Variants in CTTNBP2 observed in about 807,000 individuals in gnomAD.
The protein encoded by CTTNBP2 is cortactin-binding protein 2.
CTTNBP2 carries 108 observed loss-of-function variants against 156.9 expected under a neutral mutation model. The ratio of observed to expected loss-of-function variants is 0.69; its 90% CI spans 0.59 to 0.81. The LOEUF (loss-of-function observed/expected upper bound fraction) is 0.81. CTTNBP2 is among the 30% of genes least tolerant of loss of function. The pLI, the probability that CTTNBP2 is intolerant of heterozygous loss-of-function variation, is 0.00. For missense variants in CTTNBP2, 1,924 were observed against 2,035.4 expected (o/e 0.95, Z 1.05); for synonymous variants, 767 against 751.8 (o/e 1.02, Z -0.33).
At chr7:117,773,829 C>T (rs766065116) in intron 8 of CTTNBP2, among the ~76,000 whole-genome samples, 43 of 152,066 alleles carry the variant, frequency 2.8e-4, no homozygotes, top group Non-Finnish European at 5.9e-4. Context: ...AAATCGTCAA[C>T]TTGTTAAAAC....
intron 2 of CTTNBP2, among the ~76,000 whole-genome samples, chr7:117,829,808 G>A (rs1300796364): frequency 6.6e-6 from 1 of 152,214 alleles, no homozygotes. Context: ...GAGTATATAT[G>A]AGGCATCCTG....
chr7:117,746,179 CTTT>C, intron 12 of CTTNBP2, 80 bp from the exon 13 acceptor site: 6 of 914,028 alleles, frequency 6.6e-6, no homozygotes, highest in East Asian at 2.4e-5. Flanking sequence ...GTGTGGAATT[CTTT>C]TTTGATTGTC....
chr7:117,733,443 C>T (rs911767151), intron 16 of CTTNBP2, among the ~76,000 whole-genome samples: 1 of 152,164 alleles, frequency 6.6e-6, no homozygotes, highest in Non-Finnish European at 1.5e-5. Flanking sequence ...GCCAATCCTA[C>T]ATAATAAAAC....
intron 4 of CTTNBP2, 92 bp from the exon 5 acceptor site, chr7:117,784,546 T>G (rs1025685441): frequency 3.7e-6 from 3 of 817,450 alleles, no homozygotes; most frequent in Non-Finnish European, 5.6e-6. Flanking sequence ...CACACAAACA[T>G]ATGAACATGT....
At chr7:117,769,893 C>T (rs1301216321) in intron 8 of CTTNBP2, among the ~76,000 whole-genome samples, 1 of 152,192 alleles carries the variant, frequency 6.6e-6, no homozygotes, top group Non-Finnish European at 1.5e-5. Flanking sequence ...CAAAATGACT[C>T]TATCTACCAC....
chr7:117,777,534 T>C lies in CTTNBP2; in HGVS notation c.2755A>G (p.Ile919Val), dbSNP rs1425804302. The change falls in exon 8 of 23, where the codon ATT (isoleucine) becomes GTT (valine). Residue 919 changes from isoleucine (I) to valine (V), a missense_variant. Ile to Val is a conservative substitution (Grantham distance 29). Transcript: ENST00000160373. ...ACCTTAAAACCTTTGGAAGCAGCAA[T>C]GTGGGCAGCAGTCCAGCCTTCTCTG... The part of the protein sequence containing the change: ...ANREGWTAAH[I>V]AASKGFKNCL... 4 of 1,613,232 alleles carry C rather than the reference T, an allele frequency of 2.5e-6. No homozygotes were observed. Among genetic ancestry groups the C allele is most frequent in the Admixed American group, 1.7e-5 (1 of 59,980 alleles).
intron 12 of CTTNBP2, among the ~76,000 whole-genome samples, chr7:117,752,642 TATATA>T (rs1465624670): frequency 2.0e-5 from 3 of 152,182 alleles, no homozygotes; most frequent in African/African-American, 7.2e-5. Context: ...ACATGCATTT[TATATA>T]ATATATTTGC....
chr7:117,757,952 A>T lies in CTTNBP2; in HGVS notation c.3191T>A (p.Val1064Glu). Residue 1064 changes from valine to glutamate, a missense_variant, in exon 11 of 23, where the codon GTG becomes GAG. Physicochemically the swap from Val to Glu is moderately radical, Grantham distance 121. Transcript: ENST00000160373. ...CGGGGACTGCGCGAAGCTCTGACCC[A>T]CTGACCACGGCACATTTCCTAGTTT... is the stretch of plus-strand genomic sequence containing the variant. The part of the protein sequence containing the change: ...SITLGNVPWS[V>E]GQSFAQSPWD... 6.2e-7 allele frequency: 1 copy of T among 1,613,276 alleles called. No individual in the cohort carries two copies. Among genetic ancestry groups the T allele is most frequent in the Non-Finnish European group, 8.5e-7 (1 of 1,179,636 alleles).
At chr7:117,814,565 C>T (rs4730805) in intron 2 of CTTNBP2, among the ~76,000 whole-genome samples, 86,078 of 151,832 alleles carry the variant, frequency 0.57, 24,521 homozygotes, top group East Asian at 0.71. Context: ...GTAGCTGAGA[C>T]TATAGGCACG....
At chr7:117,746,678 G>A (rs186813689) in intron 12 of CTTNBP2, among the ~76,000 whole-genome samples, 35 of 152,234 alleles carry the variant, frequency 2.3e-4, no homozygotes, top group African/African-American at 7.9e-4. Flanking sequence ...TACAGCTGTT[G>A]TATATCAGAT....
chr7:117,745,842 A>T lies in CTTNBP2; in HGVS notation c.3524T>A (p.Phe1175Tyr), dbSNP rs1285679295. 4 of 1,610,982 alleles carry T rather than the reference A, an allele frequency of 2.5e-6. No individual in the cohort carries two copies. The highest frequency in any genetic ancestry group is 3.4e-6 in the Non-Finnish European group (4 of 1,177,244). Residue 1175 changes from phenylalanine (F) to tyrosine (Y), a missense_variant, in exon 14 of 23, where the codon TTC (phenylalanine) becomes TAC (tyrosine). Physicochemically the swap from Phe to Tyr is conservative, Grantham distance 22. Coordinates refer to ENST00000160373, the MANE Select transcript of CTTNBP2 (RefSeq NM_033427.3). ...TGAAATGTTCTTACCGCTACTAATG[A>T]ACAGGTCTAGTAGCTGTTCCTTGGA... The part of the protein sequence containing the change: ...GFSKEQLLDL[F>Y]ISSACLIPVK...
chr7:117,866,598 T>C (rs1223003104), intron 1 of CTTNBP2, among the ~76,000 whole-genome samples: 1 of 152,142 alleles, frequency 6.6e-6, no homozygotes, highest in African/African-American at 2.4e-5. Flanking sequence ...TGATGAGCAA[T>C]GTGGCTAGGG....
In CTTNBP2 at chr7:117,760,596, G is replaced by T; in HGVS notation, c.3011C>A (p.Thr1004Lys). 6.2e-7 allele frequency: 1 copy of T among 1,614,086 alleles called. No homozygotes were observed. The highest frequency in any genetic ancestry group is 8.5e-7 in the Non-Finnish European group (1 of 1,179,980). Reference sequence around the variant, plus strand: ...TGCTTTTGAAAAATCATCCCATGATGTCTGTTTGCGGATATTTAAAGCACA... The same window carrying T: ...TGCTTTTGAAAAATCATCCCATGATTTCTGTTTGCGGATATTTAAAGCACA... Reference protein sequence around the residue: ...TICALNIRKQTSWDDFSKAVS... With the variant: ...TICALNIRKQKSWDDFSKAVS... The change falls in exon 10 of 23, where the codon ACA (threonine) becomes AAA (lysine). Residue 1004 changes from threonine (T) to lysine (K), a missense_variant. Transcript: ENST00000160373.
At chr7:117,723,721 T>G (rs1383983875) in intron 19 of CTTNBP2, among the ~76,000 whole-genome samples, 1 of 152,032 alleles carries the variant, frequency 6.6e-6, no homozygotes, top group Non-Finnish European at 1.5e-5. Context: ...CTGTCCAATT[T>G]ATTAGAATAT....
intron 4 of CTTNBP2, among the ~76,000 whole-genome samples, chr7:117,785,680 A>C (rs1047672441): frequency 1.3e-5 from 2 of 152,204 alleles, no homozygotes; most frequent in African/African-American, 2.4e-5. Flanking sequence ...GCTGCAGTAA[A>C]ATTTTATGTT....
At chr7:117,737,080 C>A (rs1795746357) in intron 14 of CTTNBP2, among the ~76,000 whole-genome samples, 1 of 152,094 alleles carries the variant, frequency 6.6e-6, no homozygotes, top group Admixed American at 6.6e-5. Flanking sequence ...AGGCTAGAAA[C>A]AATCACAGCC....
At chr7:117,712,773 A>G (rs909241659) in intron 22 of CTTNBP2, among the ~76,000 whole-genome samples, 3 of 152,142 alleles carry the variant, frequency 2.0e-5, no homozygotes, top group Admixed American at 6.5e-5. Context: ...GCTGGGCCCT[A>G]TTACCAGAGA....
chr7:117,817,378 A>ATATATATATATATATATATATG (rs1800681190), intron 2 of CTTNBP2, among the ~76,000 whole-genome samples: 1 of 123,760 alleles, frequency 8.1e-6, no homozygotes, highest in Non-Finnish European at 1.7e-5. Context: ...ATATATATAT[A>ATATATATATATATATATATATG]TATATATATA....
At chr7:117,746,245 G>T in intron 12 of CTTNBP2, 146 bp from the exon 13 acceptor site, 1 of 627,094 alleles carries the variant, frequency 1.6e-6, no homozygotes, top group South Asian at 2.0e-5. Context: ...CTTTATCATT[G>T]GACACCTGTA....
Sources: gnomAD v4.1 joint callset for allele counts (sites outside exome capture counted in the v4.1 genomes callset) on GRCh38, gnomAD v4.1.1 for gene constraint, MANE v1.5 for transcripts, NCBI Gene and HGNC (gene_info 2026-07-23, HGNC 2026-07-21) for gene names.